OXSR1: variants seen among roughly 807,000 people sequenced by gnomAD.
OXSR1 encodes the protein serine/threonine-protein kinase OSR1.
Under a neutral mutation model 79.8 loss-of-function variants are expected in OXSR1, and 24 were observed. The ratio of observed to expected loss-of-function variants is 0.30; its 90% CI spans 0.22 to 0.42. The LOEUF is 0.42. Among genes scored for constraint, OXSR1 ranks in the 10% least tolerant of loss-of-function variants. OXSR1 has a pLI of 1.00. For synonymous variants in OXSR1, 226 were observed against 209.2 expected (o/e 1.08, Z -0.69); for missense variants, 430 against 618.4 (o/e 0.70, Z 3.23).
chr3:38,180,009 A>T (rs1040993983), intron 1 of OXSR1, among the ~76,000 whole-genome samples: 41 of 152,044 alleles, frequency 2.7e-4, no homozygotes, highest in African/African-American at 8.9e-4. Flanking sequence ...GGGTTTCACT[A>T]TGTTGGCCAG....
rs1174326699 is a variant in OXSR1, at chr3:38,190,866, A to C, written c.292+27A>C. The C allele has an allele frequency of 2.5e-6, 3 of 1,215,138 alleles. No homozygotes were observed. In the African/African-American group the frequency reaches 4.5e-5, roughly 18 times the overall value. 75.3% of individuals were successfully genotyped at this position (1,215,138 alleles called of 1,614,324 possible). ...TGAGTAGAGTACAAGGAAATGCTAT[A>C]AGTACCATGGTTTGAAAAGTTAGTA... On this transcript the variant is annotated intron_variant, in intron 3 of 17. Transcript: ENST00000311806.
Position 38,165,858 on chromosome 3 carries a change from G to T in OXSR1, c.-19G>T. ...AGGTCAGCGAGTTTGAGGGAGGACC[G>T]CGAGCCGCTGCCGCCGTCATGTCCG... On this transcript the variant is annotated 5_prime_UTR_variant, in exon 1 of 18. Coordinates refer to ENST00000311806, the MANE Select transcript of OXSR1 (RefSeq NM_005109.3). The T allele has an allele frequency of 1.9e-6, 3 of 1,603,720 alleles. No homozygotes were observed. The highest frequency in any genetic ancestry group is 2.6e-6 in the Non-Finnish European group (3 of 1,176,170).
chr3:38,210,500 C>G (rs971083892), intron 4 of OXSR1, among the ~76,000 whole-genome samples: 1 of 152,032 alleles, frequency 6.6e-6, no homozygotes, highest in African/African-American at 2.4e-5. Context: ...GTCTATACCC[C>G]GAGAATCTCA....
At chr3:38,198,589 C>T in intron 3 of OXSR1, 133 bp from the exon 4 acceptor site, 1 of 573,676 alleles carries the variant, frequency 1.7e-6, no homozygotes, top group Non-Finnish European at 3.0e-6. Flanking sequence ...TGTATTTCCT[C>T]ATATTTGCTG....
intron 1 of OXSR1, among the ~76,000 whole-genome samples, chr3:38,177,302 C>A (rs1025089608): frequency 2.6e-5 from 4 of 152,156 alleles, no homozygotes; most frequent in African/African-American, 9.7e-5. Flanking sequence ...GGCTTCTATG[C>A]AGAAATAATT....
At chr3:38,215,072 C>G (rs965018040) in intron 4 of OXSR1, among the ~76,000 whole-genome samples, 2 of 152,108 alleles carry the variant, frequency 1.3e-5, no homozygotes, top group African/African-American at 4.8e-5. Flanking sequence ...ACACTGTTCC[C>G]TAGACTTCAA....
intron 10 of OXSR1, 144 bp from the exon 11 acceptor site, chr3:38,236,695 G>T: frequency 1.5e-6 from 1 of 659,644 alleles, no homozygotes. Context: ...ATGGTTGGAG[G>T]ATATGAATTT....
intron 4 of OXSR1, among the ~76,000 whole-genome samples, chr3:38,201,860 T>A (rs1408434881): frequency 1.3e-5 from 2 of 152,170 alleles, no homozygotes; most frequent in South Asian, 2.1e-4. Context: ...CAAGACTCTG[T>A]GTCGAAAAGA....
chr3:38,190,505 C>T (rs1360885133), intron 2 of OXSR1, among the ~76,000 whole-genome samples: 3 of 152,040 alleles, frequency 2.0e-5, no homozygotes, highest in African/African-American at 7.3e-5. Context: ...TAGTGTGCTT[C>T]TAGTTTGAAA....
chr3:38,241,086 A>G (rs1250334536), intron 11 of OXSR1, among the ~76,000 whole-genome samples: 1 of 152,206 alleles, frequency 6.6e-6, no homozygotes, highest in East Asian at 1.9e-4. Context: ...TTACCTATTC[A>G]CCACAAGGGA....
intron 2 of OXSR1, among the ~76,000 whole-genome samples, chr3:38,184,060 C>G (rs1016259055): frequency 6.6e-6 from 1 of 152,098 alleles, no homozygotes; most frequent in Admixed American, 6.6e-5. Context: ...TCTTTAAGAG[C>G]ATATACAGCT....
chr3:38,168,749 A>C (rs1478056609), intron 1 of OXSR1, among the ~76,000 whole-genome samples: 1 of 152,148 alleles, frequency 6.6e-6, no homozygotes, highest in Non-Finnish European at 1.5e-5. Context: ...TGGACATTTT[A>C]TGTAAATGTA....
At chr3:38,226,720 C>G (rs181909532) in intron 8 of OXSR1, among the ~76,000 whole-genome samples, 98 of 151,990 alleles carry the variant, frequency 6.4e-4, no homozygotes, top group Admixed American at 1.6e-3. Context: ...GAATATGCAG[C>G]AAGATACCTG....
intron 3 of OXSR1, chr3:38,193,214 T>G: frequency 5.0e-6 from 6 of 1,209,194 alleles, no homozygotes; most frequent in Non-Finnish European, 6.6e-6. Flanking sequence ...TCATTAATAG[T>G]AATAAGCCCT....
chr3:38,165,494 CA>C (rs1321934794), upstream of OXSR1: 55 of 234,862 alleles, frequency 2.3e-4, no homozygotes, highest in East Asian at 5.8e-3. Context: ...GCAGTGACGT[CA>C]GCGCGCTGCG....
Position 38,198,800 on chromosome 3 carries a change from C to G in OXSR1, c.371C>G (p.Ala124Gly), listed in dbSNP as rs1702111394. 6.2e-7 allele frequency: 1 copy of G among 1,612,856 alleles called. No individual in the cohort carries two copies. The highest frequency in any genetic ancestry group is 8.5e-7 in the Non-Finnish European group (1 of 1,179,060). Residue 124 changes from alanine (A) to glycine (G), a missense_variant, in exon 4 of 18, where the codon GCT (alanine) becomes GGT (glycine). Coordinates refer to ENST00000311806, the MANE Select transcript of OXSR1 (RefSeq NM_005109.3). ...GGAGTCCTAGATGAATCTACCATTG[C>G]TACGATACTCCGAGAAGTACTGGAA... is the stretch of plus-strand genomic sequence containing the variant. ...KSGVLDESTIATILREVLEGL... is the reference protein window; with the variant it reads ...KSGVLDESTIGTILREVLEGL...
intron 4 of OXSR1, among the ~76,000 whole-genome samples, chr3:38,200,626 T>G (rs1451451636): frequency 6.6e-6 from 1 of 152,230 alleles, no homozygotes; most frequent in Non-Finnish European, 1.5e-5. Context: ...GGATTTGGAA[T>G]GGAGACAATT....
intron 1 of OXSR1, among the ~76,000 whole-genome samples, chr3:38,177,223 G>A (rs1021741183): frequency 2.0e-5 from 3 of 152,176 alleles, no homozygotes; most frequent in African/African-American, 4.8e-5. Flanking sequence ...CTCCTATTCC[G>A]TGGTGTTTCC....
intron 12 of OXSR1, among the ~76,000 whole-genome samples, chr3:38,243,123 C>T (rs1469179971): frequency 6.6e-6 from 1 of 151,856 alleles, no homozygotes; most frequent in East Asian, 1.9e-4. Context: ...GCCTTGACCT[C>T]CTGGGGCTCA....
Sources: gnomAD v4.1 joint callset for allele counts (sites outside exome capture counted in the v4.1 genomes callset) on GRCh38, gnomAD v4.1.1 for gene constraint, MANE v1.5 for transcripts, NCBI Gene and HGNC (gene_info 2026-07-23, HGNC 2026-07-21) for gene names.